Variants in LRRTM3 observed in about 807,000 individuals in gnomAD.
The protein encoded by LRRTM3 is leucine rich repeat transmembrane neuronal 3.
In LRRTM3, 24 loss-of-function variants were observed where a neutral mutation model predicts 44.7. The ratio of observed to expected loss-of-function variants is 0.54; its 90% CI spans 0.39 to 0.76. The LOEUF (loss-of-function observed/expected upper bound fraction) is 0.76. Among genes scored for constraint, LRRTM3 ranks in the 30% least tolerant of loss-of-function variants. The pLI, the probability that LRRTM3 is intolerant of heterozygous loss-of-function variation, is 0.00. For missense variants in LRRTM3, 587 were observed against 702.2 expected (o/e 0.84, Z 1.85); for synonymous variants, 277 against 278.7 (o/e 0.99, Z 0.06).
intron 2 of LRRTM3, among the ~76,000 whole-genome samples, chr10:66,978,087 C>G (rs1564808065): frequency 6.6e-6 from 1 of 151,134 alleles, no homozygotes; most frequent in African/African-American, 2.4e-5. Context: ...CACACACACA[C>G]ACACATGCGA....
At chr10:66,962,603 G>T (rs1184654171) in intron 2 of LRRTM3, among the ~76,000 whole-genome samples, 2 of 151,602 alleles carry the variant, frequency 1.3e-5, no homozygotes, top group Non-Finnish European at 2.9e-5. Context: ...AGTAGAGATG[G>T]GATTTCACCA....
rs138635652 is a variant in LRRTM3 at position 66,987,417 on chromosome 10, G to A, written c.1536+58965G>A. ...ATGATTTCTTGATGATAGAATGTAG[G>A]GCTGAAGAATCAGAAAGGAGTCAAA... On this transcript the variant is annotated intron_variant, in intron 2 of 2. Coordinates refer to ENST00000361320, the MANE Select transcript of LRRTM3 (RefSeq NM_178011.5). Among the ~76,000 whole-genome samples the A allele has an allele frequency of 3.9e-5, 6 of 152,228 alleles. No homozygotes were observed. In the East Asian group the frequency reaches 1.2e-3, roughly 29 times the overall value.
chr10:67,001,756 C>T (rs75001067), intron 2 of LRRTM3, among the ~76,000 whole-genome samples: 1,917 of 152,254 alleles, frequency 0.013, 37 homozygotes, highest in African/African-American at 0.038. Flanking sequence ...ACAAAAGGCA[C>T]ACTCACACTA....
At chr10:66,961,334 T>C (rs1849098733) in intron 2 of LRRTM3, among the ~76,000 whole-genome samples, 1 of 152,100 alleles carries the variant, frequency 6.6e-6, no homozygotes, top group Admixed American at 6.5e-5. Flanking sequence ...ATCAATAAAC[T>C]CCACATTGCT....
intron 2 of LRRTM3, among the ~76,000 whole-genome samples, chr10:67,014,280 T>C (rs1852517383): frequency 2.0e-5 from 3 of 152,176 alleles, no homozygotes; most frequent in African/African-American, 4.8e-5. Flanking sequence ...GATGCAGCAG[T>C]GGTAATAGGT....
intron 2 of LRRTM3, among the ~76,000 whole-genome samples, chr10:67,070,911 T>C (rs1254719102): frequency 6.6e-6 from 1 of 152,222 alleles, no homozygotes; most frequent in Non-Finnish European, 1.5e-5. Context: ...TTTATTTATT[T>C]GTAGTAACAT....
intron 2 of LRRTM3, among the ~76,000 whole-genome samples, chr10:67,087,904 C>A (rs1857397437): frequency 6.6e-6 from 1 of 151,914 alleles, no homozygotes; most frequent in Non-Finnish European, 1.5e-5. Context: ...TATAAGGAAT[C>A]ATGTGAGACA....
intron 2 of LRRTM3, among the ~76,000 whole-genome samples, chr10:67,026,783 G>A (rs1853417221): frequency 6.6e-6 from 1 of 152,172 alleles, no homozygotes; most frequent in Non-Finnish European, 1.5e-5. Flanking sequence ...GACATAAGGA[G>A]AGATTTATGA....
intron 2 of LRRTM3, among the ~76,000 whole-genome samples, chr10:67,017,476 A>T (rs1323633287): frequency 2.0e-5 from 3 of 152,158 alleles, no homozygotes; most frequent in African/African-American, 7.2e-5. Flanking sequence ...TCCACATACC[A>T]TGCTGGCATC....
chr10:67,085,244 A>G (rs1435313812), intron 2 of LRRTM3, among the ~76,000 whole-genome samples: 1 of 151,964 alleles, frequency 6.6e-6, no homozygotes, highest in Non-Finnish European at 1.5e-5. Flanking sequence ...AATTGTCTAC[A>G]TATATATGTG....
At chr10:67,070,229 C>A (rs867522475) in intron 2 of LRRTM3, among the ~76,000 whole-genome samples, 1 of 152,090 alleles carries the variant, frequency 6.6e-6, no homozygotes, top group Admixed American at 6.6e-5. Context: ...GACTTTTACT[C>A]ACTTTTTTAT....
At chr10:67,093,724 G>A (rs1857804170) in intron 2 of LRRTM3, among the ~76,000 whole-genome samples, 1 of 151,860 alleles carries the variant, frequency 6.6e-6, no homozygotes. Flanking sequence ...CTCTGCATCA[G>A]GTATTTACCC....
intron 2 of LRRTM3, among the ~76,000 whole-genome samples, chr10:66,986,001 C>T (rs35828223): frequency 0.41 from 62,012 of 151,968 alleles, 13,244 homozygotes; most frequent in South Asian, 0.6. Context: ...GCTGGGATTA[C>T]AGGCGTGAGC....
chr10:67,061,362 T>C (rs1055482812), intron 2 of LRRTM3, among the ~76,000 whole-genome samples: 2 of 152,214 alleles, frequency 1.3e-5, no homozygotes, highest in African/African-American at 4.8e-5. Flanking sequence ...ATTTACAAAA[T>C]AGAAACGTTT....
intron 2 of LRRTM3, among the ~76,000 whole-genome samples, chr10:67,008,108 G>A (rs560876811): frequency 1.3e-5 from 2 of 151,278 alleles, no homozygotes; most frequent in Non-Finnish European, 2.9e-5. Flanking sequence ...TCTTTATCCT[G>A]CAGTAGAGAT....
intron 2 of LRRTM3, among the ~76,000 whole-genome samples, chr10:67,027,902 T>C (rs754212643): frequency 6.6e-6 from 1 of 152,238 alleles, no homozygotes; most frequent in Non-Finnish European, 1.5e-5. Flanking sequence ...GTCATAATGA[T>C]GATGATATCA....
chr10:66,992,624 T>TCCAAGG (rs1249953310), intron 2 of LRRTM3, among the ~76,000 whole-genome samples: 1 of 152,120 alleles, frequency 6.6e-6, no homozygotes, highest in African/African-American at 2.4e-5. Flanking sequence ...TGGATGAAAA[T>TCCAAGG]GTTTTATCCC....
At chr10:66,996,647 T>TCCAAAAAAAAAA (rs1851361925) in intron 2 of LRRTM3, among the ~76,000 whole-genome samples, 4 of 8,950 alleles carry the variant, frequency 4.5e-4, no homozygotes, top group Non-Finnish European at 7.2e-4. Context: ...ACTCCGTCTC[T>TCCAAAAAAAAAA]ACAAAAAAAA....
At chr10:66,955,845 GC>G (rs1330183203) in intron 2 of LRRTM3, among the ~76,000 whole-genome samples, 1 of 152,056 alleles carries the variant, frequency 6.6e-6, no homozygotes, top group East Asian at 1.9e-4. Context: ...AATTCTTGGA[GC>G]CCATTGTGTC....
Sources: allele counts gnomAD v4.1 joint callset (sites outside exome capture counted in the v4.1 genomes callset), GRCh38; gene constraint gnomAD v4.1.1; transcripts MANE v1.5; gene names NCBI Gene and HGNC (gene_info 2026-07-23, HGNC 2026-07-21).